C1QTNF3: variants seen among roughly 807,000 people sequenced by gnomAD.
C1QTNF3 encodes C1q and TNF related 3, also known as complement C1q tumor necrosis factor-related protein 3.
C1QTNF3 carries 26 observed loss-of-function variants against 32.6 expected under a neutral mutation model. That is an observed-to-expected ratio of 0.80 (90% CI 0.58 to 1.11). The LOEUF (loss-of-function observed/expected upper bound fraction) is 1.11, where lower values mean the gene tolerates loss of function less well. C1QTNF3 is among the 50% of genes least tolerant of loss of function. C1QTNF3 has a pLI of 0.00. For synonymous variants in C1QTNF3, 155 were observed against 146.0 expected, an observed-to-expected ratio of 1.06 and a Z score of -0.44; for missense variants, 362 against 398.2, an observed-to-expected ratio of 0.91 and a Z score of 0.77.
At chr5:34,225,981 C>A in the C1QTNF3 span, among the ~76,000 whole-genome samples, 1 of 151,858 alleles carries the variant, frequency 6.6e-6, no homozygotes, top group Non-Finnish European at 1.5e-5. Context: ...AAACATTATA[C>A]CAATCATTAC....
At chr5:34,155,795 G>A in the C1QTNF3 span, among the ~76,000 whole-genome samples, 2 of 142,104 alleles carry the variant, frequency 1.4e-5, no homozygotes, top group Admixed American at 1.5e-4. Context: ...ATATGGTACA[G>A]TATGCCAATA....
At chr5:34,058,962 G>C in the C1QTNF3 span, among the ~76,000 whole-genome samples, 1 of 152,188 alleles carries the variant, frequency 6.6e-6, no homozygotes, top group African/African-American at 2.4e-5. Flanking sequence ...AAGAGGTCAA[G>C]ACGAGAAACA....
chr5:34,145,662 T>A, the C1QTNF3 span, among the ~76,000 whole-genome samples: 1 of 130,194 alleles, frequency 7.7e-6, no homozygotes. Flanking sequence ...GATACCACAA[T>A]CTGGCAGAGA....
chr5:34,144,498 G>C, the C1QTNF3 span, among the ~76,000 whole-genome samples: 2 of 152,104 alleles, frequency 1.3e-5, no homozygotes, highest in Non-Finnish European at 2.9e-5. Flanking sequence ...CCTTCACACA[G>C]AACATTTTCT....
At chr5:34,136,910 A>G in the C1QTNF3 span, among the ~76,000 whole-genome samples, 2 of 152,150 alleles carry the variant, frequency 1.3e-5, no homozygotes, top group Non-Finnish European at 2.9e-5. Flanking sequence ...CAGAAAACCA[A>G]ACACTGCATG....
chr5:34,223,627 G>A, the C1QTNF3 span, among the ~76,000 whole-genome samples: 1 of 151,918 alleles, frequency 6.6e-6, no homozygotes, highest in Non-Finnish European at 1.5e-5. Context: ...CTAGTTTACA[G>A]TCCCACCAAC....
chr5:34,130,284 T>C, the C1QTNF3 span, among the ~76,000 whole-genome samples: 3 of 152,192 alleles, frequency 2.0e-5, no homozygotes, highest in Non-Finnish European at 4.4e-5. Context: ...TTTTTTCTAT[T>C]GAATTTAAGC....
chr5:34,137,170 C>G, the C1QTNF3 span, among the ~76,000 whole-genome samples: 1 of 151,414 alleles, frequency 6.6e-6, no homozygotes, highest in Non-Finnish European at 1.5e-5. Flanking sequence ...AAAGTGACTT[C>G]CCCTAGTAAC....
At chr5:34,171,144 T>A in the C1QTNF3 span, among the ~76,000 whole-genome samples, 1 of 152,110 alleles carries the variant, frequency 6.6e-6, no homozygotes, top group Non-Finnish European at 1.5e-5. Context: ...AAGCTACCTA[T>A]AAAGTCATTT....
At chr5:34,042,510 C>G (rs1754893770) in intron 1 of C1QTNF3, among the ~76,000 whole-genome samples, 1 of 152,154 alleles carries the variant, frequency 6.6e-6, no homozygotes, top group Non-Finnish European at 1.5e-5. Context: ...CCTTTCCGGA[C>G]CAACAGAGCA....
At chr5:34,203,140 A>C in the C1QTNF3 span, among the ~76,000 whole-genome samples, 1 of 152,248 alleles carries the variant, frequency 6.6e-6, no homozygotes, top group Non-Finnish European at 1.5e-5. Flanking sequence ...ACATGAAAGT[A>C]GCAAACTCAT....
At chr5:34,066,647 G>T in the C1QTNF3 span, among the ~76,000 whole-genome samples, 28 of 152,078 alleles carry the variant, frequency 1.8e-4, no homozygotes, top group Admixed American at 1.6e-3. Flanking sequence ...TGCAATATTT[G>T]AAAATGTAAA....
chr5:34,224,351 C>T, the C1QTNF3 span, among the ~76,000 whole-genome samples: 1 of 152,198 alleles, frequency 6.6e-6, no homozygotes, highest in African/African-American at 2.4e-5. Context: ...CAAGTCAATC[C>T]TAAGCCAAAA....
At chr5:34,172,007 G>GT in the C1QTNF3 span, among the ~76,000 whole-genome samples, 2 of 152,240 alleles carry the variant, frequency 1.3e-5, no homozygotes, top group East Asian at 3.9e-4. Flanking sequence ...TTCATGAGAT[G>GT]TTGTCAAATG....
chr5:34,157,836 A>T, the C1QTNF3 span, among the ~76,000 whole-genome samples: 4 of 152,212 alleles, frequency 2.6e-5, no homozygotes, highest in Non-Finnish European at 5.9e-5. Context: ...CTCCTAACTT[A>T]TAGATCTGTA....
the C1QTNF3 span, among the ~76,000 whole-genome samples, chr5:34,140,634 TC>T: frequency 6.6e-6 from 1 of 152,178 alleles, no homozygotes; most frequent in African/African-American, 2.4e-5. Context: ...TCTCAGGACA[TC>T]CCTATGGGGA....
At chr5:34,073,549 C>T in the C1QTNF3 span, among the ~76,000 whole-genome samples, 1 of 152,064 alleles carries the variant, frequency 6.6e-6, no homozygotes, top group Admixed American at 6.6e-5. Flanking sequence ...AAGAACAAAT[C>T]ACCTTCAACA....
At chr5:34,174,145 C>T in the C1QTNF3 span, among the ~76,000 whole-genome samples, 1 of 152,186 alleles carries the variant, frequency 6.6e-6, no homozygotes, top group Admixed American at 6.5e-5. Flanking sequence ...GCAGCCTCCG[C>T]CTCCGAGGTT....
chr5:34,144,020 C>T, the C1QTNF3 span, among the ~76,000 whole-genome samples: 324 of 152,238 alleles, frequency 2.1e-3, 1 homozygote, highest in African/African-American at 7.0e-3. Context: ...TAACTGCCTT[C>T]TGTCTTCAAG....
Sources: allele counts gnomAD v4.1 joint callset (sites outside exome capture counted in the v4.1 genomes callset), GRCh38; gene constraint gnomAD v4.1.1; transcripts MANE v1.5; gene names NCBI Gene and HGNC (gene_info 2026-07-23, HGNC 2026-07-21).